The following IQANK1 variants were observed in gnomAD, a reference collection of about 807,000 sequenced individuals.
IQANK1 encodes the protein IQ motif and ankyrin repeat containing 1.
In IQANK1, 30 loss-of-function variants were observed where a neutral mutation model predicts 22.6. The observed-to-expected ratio is 1.33, with a 90% CI of 0.99 to 1.80. The LOEUF (loss-of-function observed/expected upper bound fraction) is 1.80. Ranked by LOEUF, IQANK1 falls within the 40% of genes most tolerant of loss-of-function variation. The probability of loss-of-function intolerance (pLI) is 0.00; values close to 1 mark genes in which losing one functional copy is unlikely to be tolerated. For synonymous variants in IQANK1, 122 were observed against 99.6 expected, an observed-to-expected ratio of 1.23 and a Z score of -1.34; for missense variants, 275 against 235.2, an observed-to-expected ratio of 1.17 and a Z score of -1.11.
rs934141602 is a variant in IQANK1 at position 143,772,366 on chromosome 8, G to T, written c.673G>T (p.Gly225Cys). ...GASPNSKGAF[G>C]PTPLYRAAFG... is the part of the protein sequence containing the mutation. ...GGGGCCCGTCTTGCAGGGCGCTTTC[G>T]GTCCGACGCCGCTGTACCGTGCAGC... Residue 225 changes from glycine (G) to cysteine (C), a missense_variant, in exon 7 of 14, where the codon GGT becomes TGT. By Grantham distance (159) the Gly-to-Cys change is radical. Transcript: ENST00000527139. 2.5e-6 allele frequency: 1 copy of T among 399,134 alleles called. No homozygotes were observed. Among genetic ancestry groups the T allele is most frequent in the Non-Finnish European group, 4.4e-6 (1 of 226,186 alleles). 24.7% of individuals were successfully genotyped at this position (399,134 alleles called of 1,614,324 possible). A position where few individuals can be genotyped will look rare whatever the true frequency, so the allele number is the denominator to read the frequency against.
Position 143,739,931 on chromosome 8 carries a change from GCCCACAGGCC to G in IQANK1, c.167_175+1del, listed in dbSNP as rs1472619332. The G allele has an allele frequency of 1.9e-5, 13 of 698,878 alleles. No homozygotes were observed. Among genetic ancestry groups the G allele is most frequent in the African/African-American group, 1.1e-4 (6 of 57,142 alleles). The allele number at this position is 698,878 out of a possible 1,614,324, so 43.3% of individuals were successfully genotyped here. A position where few individuals can be genotyped will look rare whatever the true frequency, so the allele number is the denominator to read the frequency against. ...GCGAGGGAGCCCGCGTCGGCTGAGA[GCCCACAGGCC>G]CCCACAGGTGAGAGCCCGCACGTCC... On this transcript the variant is annotated frameshift_variant, in exon 3 of 14. Transcript: ENST00000527139. LOFTEE classifies it high-confidence loss of function.
chr8:143,777,958 G>T (rs1322333631), intron 7 of IQANK1, among the ~76,000 whole-genome samples: 2 of 152,164 alleles, frequency 1.3e-5, no homozygotes, highest in African/African-American at 4.8e-5. Flanking sequence ...ACTTTGGAAG[G>T]CCGAGGCGGG....
At chr8:143,747,882 G>C (rs1014702019) in intron 3 of IQANK1, among the ~76,000 whole-genome samples, 1 of 148,782 alleles carries the variant, frequency 6.7e-6, no homozygotes, top group Admixed American at 6.7e-5. Flanking sequence ...CTGTATGTCT[G>C]TTAGATCTAG....
At chr8:143,760,224 G>A (rs1819370010) in intron 3 of IQANK1, 1 of 152,316 alleles carries the variant, frequency 6.6e-6, no homozygotes, top group African/African-American at 2.4e-5. Flanking sequence ...AGGGAGCCCG[G>A]CTTTCTTGTC....
At position 143,771,723 on chromosome 8, in the gene IQANK1, C is replaced by T; in HGVS notation, c.307-78C>T. 2 of 396,904 alleles carry T rather than the reference C, an allele frequency of 5.0e-6. No individual in the cohort carries two copies. The highest frequency in any genetic ancestry group is 8.9e-6 in the Non-Finnish European group (2 of 225,296). 24.6% of individuals were successfully genotyped at this position (396,904 alleles called of 1,614,324 possible). A position where few individuals can be genotyped will look rare whatever the true frequency, so the allele number is the denominator to read the frequency against. ...GGTGAGGCTCAGATCGGGCTCCGAC[C>T]TCAGAGGCGTGGACCGTGGCCTCGG... is the stretch of plus-strand genomic sequence containing the variant. On this transcript the variant is annotated intron_variant, in intron 4 of 13. Coordinates refer to ENST00000527139, the MANE Select transcript of IQANK1 (RefSeq NM_001381874.1). This position sits in a 1 kb window ranked among gnomAD's most constrained non-coding sequence, Gnocchi z 6.0.
Position 143,774,966 on chromosome 8 carries a change from G to T in IQANK1, c.789+2484G>T, listed in dbSNP as rs546345493. On this transcript the variant is annotated intron_variant, in intron 7 of 13. Transcript: ENST00000527139. The surrounding 1 kb of genome is among the most constrained non-coding windows in gnomAD (Gnocchi z 4.2). ...AGATCGGAGGGCTGCAGGGGTTACG[G>T]ATGGGAGTGGGGGCAGGAAAAGCGG... is the stretch of plus-strand genomic sequence containing the variant. 2.6e-5 allele frequency among the ~76,000 whole-genome samples: 4 copies of T among 152,278 alleles called. No individual in the cohort carries two copies. The South Asian group carries it at 8.3e-4, about 32-fold the overall frequency.
At chr8:143,739,804 C>T in intron 2 of IQANK1, 55 bp from the exon 3 acceptor site, 2 of 666,124 alleles carry the variant, frequency 3.0e-6, no homozygotes, top group Non-Finnish European at 5.5e-6. Context: ...TCTCTTGAGG[C>T]TAATGGGGAT....
rs563713568 is a variant in IQANK1 at position 143,769,500 on chromosome 8, A to T, written c.176-1988A>T. On this transcript the variant is annotated intron_variant, in intron 3 of 13. Transcript: ENST00000527139. ...GGCCACTGCGCTTGGCCTAAATTTGAATTTCAGATAAACAGGAATAATTTA... is the reference window on the plus strand; with the variant it reads ...GGCCACTGCGCTTGGCCTAAATTTGTATTTCAGATAAACAGGAATAATTTA... 2.6e-5 allele frequency among the ~76,000 whole-genome samples: 4 copies of T among 152,256 alleles called. No homozygotes were observed. The East Asian group carries it at 7.7e-4, about 29-fold the overall frequency.
chr8:143,757,730 C>T (rs1819319848), intron 3 of IQANK1, among the ~76,000 whole-genome samples: 1 of 152,022 alleles, frequency 6.6e-6, no homozygotes, highest in East Asian at 1.9e-4. Context: ...CTCATTGCAG[C>T]CTAGAACTCC....
rs11986380 is a variant in IQANK1 at position 143,776,578 on chromosome 8, G to A, written c.789+4096G>A. On this transcript the variant is annotated intron_variant, in intron 7 of 13. Transcript: ENST00000527139. ...AGGGTGTAGTATAGGAAGGGGGAAC[G>A]TAGACAGAGCCAGGCATATTCTCTG... Among the ~76,000 whole-genome samples, 9 of 152,126 alleles carry A rather than the reference G, an allele frequency of 5.9e-5. No individual in the cohort carries two copies. The East Asian group carries it at 7.7e-4, about 13-fold the overall frequency.
chr8:143,757,595 C>T (rs1254644403), intron 3 of IQANK1, among the ~76,000 whole-genome samples: 2 of 152,124 alleles, frequency 1.3e-5, no homozygotes, highest in Non-Finnish European at 2.9e-5. Flanking sequence ...CCTTGGCCTC[C>T]CAAAGTGCTG....
intron 7 of IQANK1, among the ~76,000 whole-genome samples, chr8:143,783,782 T>C (rs1819838612): frequency 6.6e-6 from 1 of 152,234 alleles, no homozygotes; most frequent in Non-Finnish European, 1.5e-5. Context: ...AGCTTGTTTA[T>C]TTCTCATATG....
rs1819954570 is a variant in IQANK1 at position 143,789,069 on chromosome 8, AG to A, written c.938+10del. The A allele has an allele frequency of 5.0e-6, 2 of 400,760 alleles. No homozygotes were observed. The highest frequency in any genetic ancestry group is 8.8e-6 in the Non-Finnish European group (2 of 227,430). 24.8% of individuals were successfully genotyped at this position (400,760 alleles called of 1,614,324 possible). The stretch of plus-strand genomic sequence containing the variant: ...GAGGCTGAGCGGTGTGGAAGGCAGG[AG>A]GGGTGTGGGAGGTGCTGGCGAGGGG... On this transcript the variant is annotated splice_region_variant and intron_variant, in intron 8 of 13. Transcript: ENST00000527139.
chr8:143,742,996 C>A (rs1554626812), intron 3 of IQANK1: 1 of 455,970 alleles, frequency 2.2e-6, no homozygotes, highest in African/African-American at 2.0e-5. Context: ...TATCCCCCAC[C>A]CCCCAGAACT....
Position 143,788,856 on chromosome 8 carries a change from C to G in IQANK1, c.790-59C>G, listed in dbSNP as rs138155947. 855 of 398,920 alleles carry G rather than the reference C, an allele frequency of 2.1e-3. 3 individuals carry two copies. Among genetic ancestry groups the G allele is most frequent in the Non-Finnish European group, 2.2e-3 (508 of 226,104 alleles). 24.7% of individuals were successfully genotyped at this position (398,920 alleles called of 1,614,324 possible). On this transcript the variant is annotated intron_variant, in intron 7 of 13. Coordinates refer to ENST00000527139, the MANE Select transcript of IQANK1 (RefSeq NM_001381874.1). Reference sequence around the variant, plus strand: ...CAGATGGGAGAGCAACAGTTCCTCTCCAGGCTGAGGAGACTCGGAACACGC... The same window carrying G: ...CAGATGGGAGAGCAACAGTTCCTCTGCAGGCTGAGGAGACTCGGAACACGC...
intron 7 of IQANK1, among the ~76,000 whole-genome samples, chr8:143,788,425 G>A (rs781977522): frequency 6.6e-6 from 1 of 152,232 alleles, no homozygotes; most frequent in African/African-American, 2.4e-5. Context: ...GGAGTGCTGG[G>A]GACTCAGGAG....
intron 3 of IQANK1, among the ~76,000 whole-genome samples, chr8:143,764,117 C>G (rs782263824): frequency 1.3e-5 from 2 of 152,034 alleles, no homozygotes; most frequent in Non-Finnish European, 2.9e-5. Flanking sequence ...AGAACAGAGA[C>G]AGGAAACATT....
chr8:143,744,000 GT>G (rs1554626984), intron 3 of IQANK1: 1 of 318,024 alleles, frequency 3.1e-6, no homozygotes, highest in South Asian at 2.4e-5. Context: ...CACCCAGCTA[GT>G]TTTTGTGTTT....
chr8:143,742,544 C>T (rs1554626703), intron 3 of IQANK1: 1 of 456,114 alleles, frequency 2.2e-6, no homozygotes, highest in East Asian at 6.9e-5. Context: ...TTCCACCACG[C>T]AATAGATGGC....
Sources: allele counts gnomAD v4.1 joint callset (sites outside exome capture counted in the v4.1 genomes callset), GRCh38; gene constraint gnomAD v4.1.1; non-coding constraint Gnocchi (gnomAD v3.1); transcripts MANE v1.5; gene names NCBI Gene and HGNC (gene_info 2026-07-23, HGNC 2026-07-21).